C4orf33: variants seen among roughly 807,000 people sequenced by gnomAD.
C4orf33 encodes chromosome 4 open reading frame 33.
A neutral mutation model predicts 24.3 loss-of-function variants in C4orf33; 20 were observed. The ratio of observed to expected loss-of-function variants is 0.82; its 90% confidence interval spans 0.58 to 1.19. The LOEUF (loss-of-function observed/expected upper bound fraction) is 1.19. Ranked by LOEUF, C4orf33 falls within the 50% of genes most tolerant of loss-of-function variation. The pLI is 0.00. For missense variants in C4orf33, 207 were observed against 225.9 expected, an observed-to-expected ratio of 0.92 and a Z score of 0.54; for synonymous variants, 67 against 76.4, an observed-to-expected ratio of 0.88 and a Z score of 0.64.
At chr4:129,109,722 AAATT>A in intron 5 of C4orf33, 50 bp downstream of exon 5, 2 of 1,486,054 alleles carry the variant, frequency 1.3e-6, no homozygotes, top group Non-Finnish European at 1.9e-6. Context: ...AGTTTTTTCG[AAATT>A]AATTCTTAGT....
At chr4:129,101,952 A>G (rs1252535707) in intron 1 of C4orf33, 1 of 152,204 alleles carries the variant, frequency 6.6e-6, no homozygotes, top group East Asian at 1.9e-4. Context: ...ATTCAACTCT[A>G]CTAACTTTTA....
Position 129,106,660 on chromosome 4 carries a change from T to A in C4orf33, c.242+13T>A, listed in dbSNP as rs1206355883. The A allele has an allele frequency of 2.2e-6, 3 of 1,372,408 alleles. No homozygotes were observed. In the Admixed American group the frequency reaches 5.8e-5, roughly 27 times the overall value. The allele number at this position is 1,372,408 out of a possible 1,614,324, so 85.0% of individuals were successfully genotyped here. A position where few individuals can be genotyped will look rare whatever the true frequency, so the allele number is the denominator to read the frequency against. ...TTGAACTTTGTCCGTAAGTATAAAA[T>A]GTTTTTTCTTACTTATTACTACATA... On this transcript the variant is annotated intron_variant, in intron 3 of 5. Coordinates refer to ENST00000425929, the MANE Select transcript of C4orf33 (RefSeq NM_001099783.2).
In C4orf33 at chr4:129,114,280, A is replaced by T. The variant is rs1753742573; in HGVS notation, c.*2489A>T. On this transcript the variant is annotated 3_prime_UTR_variant, in exon 6 of 6. Transcript: ENST00000425929. ...CCCATGGGGCACCTCTTGACCAAAG[A>T]GGGTGGGAGTTGATGGATAACTACT... The T allele has an allele frequency of 6.6e-6, 1 of 152,224 alleles. No homozygotes were observed. The highest frequency in any genetic ancestry group is 6.5e-5 in the Admixed American group (1 of 15,274). The allele number at this position is 152,224 out of a possible 1,614,324, so 9.4% of individuals were successfully genotyped here. A position where few individuals can be genotyped will look rare whatever the true frequency, so the allele number is the denominator to read the frequency against.
chr4:129,098,328 C>T (rs1415313246), intron 1 of C4orf33, among the ~76,000 whole-genome samples: 1 of 152,054 alleles, frequency 6.6e-6, no homozygotes, highest in Non-Finnish European at 1.5e-5. Context: ...TTTCTTCCCT[C>T]CCCCCTCTAG....
Position 129,109,645 on chromosome 4 carries a change from A to G in C4orf33, c.467A>G (p.Glu156Gly). 1 of 1,613,884 alleles carries G rather than the reference A, an allele frequency of 6.2e-7. No individual in the cohort carries two copies. The highest frequency in any genetic ancestry group is 1.1e-5 in the South Asian group (1 of 91,060). Residue 156 changes from glutamate to glycine, a missense_variant, in exon 5 of 6, where the codon GAA (glutamate) becomes GGA (glycine). Physicochemically the swap from Glu to Gly is moderately conservative, Grantham distance 98. Coordinates refer to ENST00000425929, the MANE Select transcript of C4orf33 (RefSeq NM_001099783.2). Reference sequence around the variant, plus strand: ...GCTCTTTACCCTGTACCTCAGCATGAACTGCAGCAAGGACAAAAACCTGAT... The same window carrying G: ...GCTCTTTACCCTGTACCTCAGCATGGACTGCAGCAAGGACAAAAACCTGAT... ...YEALYPVPQHELQQGQKPDFH... is the reference protein window; with the variant it reads ...YEALYPVPQHGLQQGQKPDFH...
At chr4:129,101,870 C>G (rs1333229015) in intron 1 of C4orf33, among the ~76,000 whole-genome samples, 2 of 151,996 alleles carry the variant, frequency 1.3e-5, no homozygotes, top group African/African-American at 4.8e-5. Flanking sequence ...AGGTAATTAA[C>G]CAAGCAAGCA....
At chr4:129,104,232 A>C (rs1753448203) in intron 2 of C4orf33, among the ~76,000 whole-genome samples, 1 of 152,164 alleles carries the variant, frequency 6.6e-6, no homozygotes, top group African/African-American at 2.4e-5. Flanking sequence ...TTTGCTTCCT[A>C]AATATTCCTC....
upstream of C4orf33, chr4:129,093,835 G>A (rs1482710253): frequency 6.5e-6 from 1 of 152,932 alleles, no homozygotes; most frequent in African/African-American, 2.4e-5. Flanking sequence ...ATGCAAACGT[G>A]AGTAGAGAAT....
At chr4:129,111,122 G>T (rs368735439) in intron 5 of C4orf33, among the ~76,000 whole-genome samples, 3 of 152,204 alleles carry the variant, frequency 2.0e-5, no homozygotes, top group South Asian at 2.1e-4. Context: ...ACAGAGTGGG[G>T]CTCCACTGCA....
intron 3 of C4orf33, among the ~76,000 whole-genome samples, chr4:129,108,047 A>G (rs1335489178): frequency 6.6e-6 from 1 of 152,132 alleles, no homozygotes; most frequent in Admixed American, 6.5e-5. Flanking sequence ...TCAAGCAGTC[A>G]TTTCCTGTAA....
At chr4:129,103,491 A>G (rs920768295) in intron 2 of C4orf33, among the ~76,000 whole-genome samples, 32 of 152,316 alleles carry the variant, frequency 2.1e-4, no homozygotes, top group Admixed American at 9.8e-4. Context: ...TAGAAACACT[A>G]TCAACCTCAA....
chr4:129,109,534 A>G lies in C4orf33; in HGVS notation c.356A>G (p.Tyr119Cys). The change falls in exon 5 of 6, where the codon TAT becomes TGT. Residue 119 changes from tyrosine (Y) to cysteine (C), a missense_variant. Coordinates refer to ENST00000425929, the MANE Select transcript of C4orf33 (RefSeq NM_001099783.2). ...RGETKWEGKA[Y>C]LPWSYFPPNV... ...GAGACAAAATGGGAAGGCAAAGCTTATCTCCCTTGGAGTTATTTTCCACCA... is the reference window on the plus strand; with the variant it reads ...GAGACAAAATGGGAAGGCAAAGCTTGTCTCCCTTGGAGTTATTTTCCACCA... The G allele has an allele frequency of 6.2e-7, 1 of 1,614,044 alleles. No homozygotes were observed. Among genetic ancestry groups the G allele is most frequent in the Non-Finnish European group, 8.5e-7 (1 of 1,179,898 alleles).
chr4:129,111,534 A>C, intron 5 of C4orf33, 152 bp from the exon 6 acceptor site: 1 of 488,824 alleles, frequency 2.0e-6, no homozygotes, highest in Non-Finnish European at 3.7e-6. Flanking sequence ...CTAGAGTGAG[A>C]AAACTGTACA....
At chr4:129,098,353 T>C (rs941825480) in intron 1 of C4orf33, among the ~76,000 whole-genome samples, 1 of 152,154 alleles carries the variant, frequency 6.6e-6, no homozygotes, top group African/African-American at 2.4e-5. Flanking sequence ...CCCCAGTGTC[T>C]GTTGTTGCCA....
chr4:129,102,905 G>A (rs1258233665), intron 2 of C4orf33, 114 bp downstream of exon 2: 10 of 853,350 alleles, frequency 1.2e-5, no homozygotes, highest in Middle Eastern at 2.9e-4. Flanking sequence ...CAATTGACAT[G>A]TACAGTTTCT....
chr4:129,111,797 A>G lies in C4orf33; in HGVS notation c.*6A>G. The G allele has an allele frequency of 6.7e-7, 1 of 1,491,108 alleles. No individual in the cohort carries two copies. The highest frequency in any genetic ancestry group is 9.3e-7 in the Non-Finnish European group (1 of 1,074,218). The allele number at this position is 1,491,108 out of a possible 1,614,324, so 92.4% of individuals were successfully genotyped here. ...TAGAGAAATGTGATATATAGGAGTA[A>G]TAGATAACCATACCGATCATTTTTT... On this transcript the variant is annotated 3_prime_UTR_variant, in exon 6 of 6. Transcript: ENST00000425929.
At chr4:129,111,591 A>G in intron 5 of C4orf33, 95 bp from the exon 6 acceptor site, 1 of 675,590 alleles carries the variant, frequency 1.5e-6, no homozygotes. Flanking sequence ...AGAATGTTGT[A>G]TTACAGTTGT....
Position 129,111,249 on chromosome 4 carries a change from C to T in C4orf33, c.495-437C>T, listed in dbSNP as rs79635088. Among the ~76,000 whole-genome samples, 1,201 of 152,320 alleles carry T rather than the reference C, an allele frequency of 7.9e-3. 14 individuals are homozygous for T. Among genetic ancestry groups the T allele is most frequent in the African/African-American group, 0.028 (1,152 of 41,572 alleles). On this transcript the variant is annotated intron_variant, in intron 5 of 5. Coordinates refer to ENST00000425929, the MANE Select transcript of C4orf33 (RefSeq NM_001099783.2). ...GATTAATACTCTTTTACATTAACCT[C>T]TCTTGCTTCAGCAGAGAAGGGAATT...
chr4:129,099,781 G>A (rs2085083440), intron 1 of C4orf33, among the ~76,000 whole-genome samples: 1 of 152,262 alleles, frequency 6.6e-6, no homozygotes, highest in African/African-American at 2.4e-5. Context: ...AGATTACAGA[G>A]GGAGAATCAT....
Sources: allele counts gnomAD v4.1 joint callset (sites outside exome capture counted in the v4.1 genomes callset), GRCh38; gene constraint gnomAD v4.1.1; transcripts MANE v1.5; gene names NCBI Gene and HGNC (gene_info 2026-07-23, HGNC 2026-07-21).